The following SCARB2 variants were observed in gnomAD, a reference collection of about 807,000 sequenced individuals.
The protein encoded by SCARB2 is lysosome membrane protein 2.
In SCARB2, 29 loss-of-function variants were observed where a neutral mutation model predicts 58.6. That is an observed-to-expected ratio of 0.49 (90% CI 0.37 to 0.67). The LOEUF is 0.67. Ranked by LOEUF, SCARB2 falls within the 30% of genes least tolerant of loss-of-function variation. The pLI is 0.00. For synonymous variants in SCARB2, 195 were observed against 210.1 expected (o/e 0.93, Z 0.62); for missense variants, 488 against 578.5 (o/e 0.84, Z 1.60).
chr4:76,218,310 A>G (rs1733249491), upstream of SCARB2, among the ~76,000 whole-genome samples: 2 of 152,258 alleles, frequency 1.3e-5, no homozygotes, highest in Admixed American at 6.5e-5. Context: ...TACAGCCTCC[A>G]TAAGAAAAAA....
At chr4:76,220,318 T>C (rs1189901508) in intron 1 of SCARB2, among the ~76,000 whole-genome samples, 2 of 152,140 alleles carry the variant, frequency 1.3e-5, no homozygotes, top group Admixed American at 1.3e-4. Flanking sequence ...TGGAAAATAC[T>C]ATTCAGCTAT....
intron 1 of SCARB2, among the ~76,000 whole-genome samples, chr4:76,200,448 T>C (rs1285511384): frequency 1.3e-5 from 2 of 152,240 alleles, no homozygotes; most frequent in Non-Finnish European, 2.9e-5. Flanking sequence ...GAATTCACAG[T>C]GTCAACAGCT....
intron 2 of SCARB2, chr4:76,193,703 C>A (rs1234781513): frequency 6.6e-6 from 1 of 152,226 alleles, no homozygotes; most frequent in Non-Finnish European, 1.5e-5. Context: ...AATGCTGATA[C>A]ACCCATTGTA....
intron 2 of SCARB2, among the ~76,000 whole-genome samples, chr4:76,183,903 G>A (rs560517385): frequency 2.0e-5 from 3 of 152,264 alleles, no homozygotes; most frequent in South Asian, 4.1e-4. Context: ...AGGAAATGGA[G>A]GAAGACTAAA....
Position 76,170,096 on chromosome 4 carries a change from A to G in SCARB2, c.995-111T>C, listed in dbSNP as rs141982970. 252 of 901,904 alleles carry G rather than the reference A, an allele frequency of 2.8e-4. 2 individuals carry two copies. The East Asian group carries it at 6.1e-3, about 22-fold the overall frequency. The allele number at this position is 901,904 out of a possible 1,614,324, so 55.9% of individuals were successfully genotyped here. ...GTTCCTAAAGAAAAACAAAAAAGCT[A>G]CATATAAATTAACTTGGGTAGGCTA... is the stretch of plus-strand genomic sequence containing the variant. On this transcript the variant is annotated intron_variant, in intron 7 of 11. Transcript: ENST00000264896.
intron 1 of SCARB2, among the ~76,000 whole-genome samples, chr4:76,224,778 G>A (rs1479894468): frequency 1.3e-5 from 2 of 151,794 alleles, no homozygotes; most frequent in East Asian, 3.9e-4. Context: ...AGAAGTTTTT[G>A]GGGAACAGGT....
In SCARB2 at chr4:76,162,065, G is replaced by T. The variant is rs569446029; in HGVS notation, c.1399-314C>A. 7.1e-4 allele frequency: 309 copies of T among 435,626 alleles called. 2 individuals carry two copies. The highest frequency in any genetic ancestry group is 4.0e-3 in the Middle Eastern group (6 of 1,518). 27.0% of individuals were successfully genotyped at this position (435,626 alleles called of 1,614,324 possible). A position where few individuals can be genotyped will look rare whatever the true frequency, so the allele number is the denominator to read the frequency against. On this transcript the variant is annotated intron_variant, in intron 11 of 11. Transcript: ENST00000264896. ...CTGGTTTGAAACCTACTAAGGAGTAGTGTCTCAGAGGTATTAGTTCTCAAT... is the reference window on the plus strand; with the variant it reads ...CTGGTTTGAAACCTACTAAGGAGTATTGTCTCAGAGGTATTAGTTCTCAAT...
chr4:76,227,931 G>C (rs1442746200), intron 1 of SCARB2, among the ~76,000 whole-genome samples: 1 of 152,130 alleles, frequency 6.6e-6, no homozygotes, highest in Non-Finnish European at 1.5e-5. Context: ...TTATGCATTA[G>C]GTGAGTCTCT....
In SCARB2 at chr4:76,169,942, A is replaced by C. The variant is rs1732095084; in HGVS notation, c.1038T>G (p.Asp346Glu). ...IMSFPHFYQA[D>E]ERFVSAIEGM... ...CTTCTATGGCAGAAACAAACCTCTC[A>C]TCTGCTTGGTAAAAGTGTGGGAAAG... is the stretch of plus-strand genomic sequence containing the variant. Residue 346 changes from aspartate to glutamate, a missense_variant, in exon 8 of 12, where the codon GAT (aspartate) becomes GAG (glutamate). Coordinates refer to ENST00000264896, the MANE Select transcript of SCARB2 (RefSeq NM_005506.4). 6.2e-7 allele frequency: 1 copy of C among 1,614,050 alleles called. No individual in the cohort carries two copies. The highest frequency in any genetic ancestry group is 1.6e-4 in the Middle Eastern group (1 of 6,062).
At chr4:76,188,198 G>A (rs1732527233) in intron 2 of SCARB2, among the ~76,000 whole-genome samples, 1 of 152,104 alleles carries the variant, frequency 6.6e-6, no homozygotes, top group Non-Finnish European at 1.5e-5. Flanking sequence ...CCTCAAAAAG[G>A]CTGCAGAAGC....
intron 2 of SCARB2, among the ~76,000 whole-genome samples, chr4:76,191,489 G>A (rs1338153775): frequency 1.3e-5 from 2 of 151,994 alleles, no homozygotes; most frequent in South Asian, 2.1e-4. Flanking sequence ...TCTGGCTGTT[G>A]TAAAGTGTGG....
At chr4:76,229,427 T>C (rs1187669630) in intron 1 of SCARB2, among the ~76,000 whole-genome samples, 2 of 152,238 alleles carry the variant, frequency 1.3e-5, no homozygotes, top group African/African-American at 4.8e-5. Context: ...TGTTTTGTCA[T>C]ATTACCAGAA....
chr4:76,199,613 G>A (rs1397857271), intron 1 of SCARB2, among the ~76,000 whole-genome samples: 1 of 152,184 alleles, frequency 6.6e-6, no homozygotes, highest in African/African-American at 2.4e-5. Flanking sequence ...TTAACTGGTT[G>A]TCCTGTATTT....
intron 7 of SCARB2, among the ~76,000 whole-genome samples, chr4:76,170,556 T>C (rs1327792780): frequency 1.3e-5 from 2 of 152,198 alleles, no homozygotes; most frequent in Non-Finnish European, 2.9e-5. Flanking sequence ...TTTTGTTTTG[T>C]TTTGTTTTTA....
intron 1 of SCARB2, among the ~76,000 whole-genome samples, chr4:76,231,074 A>T (rs572793372): frequency 6.6e-6 from 1 of 151,760 alleles, no homozygotes. Context: ...ACTCCCTATC[A>T]TAAGCTGCAT....
intron 1 of SCARB2, among the ~76,000 whole-genome samples, chr4:76,227,190 T>C (rs1462382204): frequency 6.6e-6 from 1 of 152,214 alleles, no homozygotes; most frequent in Admixed American, 6.5e-5. Context: ...TTAGCACCAC[T>C]TTTGCTGTGT....
chr4:76,206,013 C>G (rs970394564), intron 1 of SCARB2, among the ~76,000 whole-genome samples: 2 of 152,060 alleles, frequency 1.3e-5, no homozygotes, highest in Non-Finnish European at 2.9e-5. Flanking sequence ...ATCCTTACCC[C>G]CAAGGTGGTG....
At position 76,160,198 on chromosome 4, in the gene SCARB2, G is replaced by A. The variant is rs967881098; in HGVS notation, c.*1515C>T. On this transcript the variant is annotated 3_prime_UTR_variant, in exon 12 of 12. Coordinates refer to ENST00000264896, the MANE Select transcript of SCARB2 (RefSeq NM_005506.4). Reference sequence around the variant, plus strand: ...TATTACCTCAATACAGGGATAAGAAGCTATGGAAATGAAATCTATATTTTT... The same window carrying A: ...TATTACCTCAATACAGGGATAAGAAACTATGGAAATGAAATCTATATTTTT... The A allele has an allele frequency of 3.3e-5, 5 of 152,122 alleles. No individual in the cohort carries two copies. The highest frequency in any genetic ancestry group is 4.8e-5 in the African/African-American group (2 of 41,424). The allele number at this position is 152,122 out of a possible 1,614,324, so 9.4% of individuals were successfully genotyped here. A position where few individuals can be genotyped will look rare whatever the true frequency, so the allele number is the denominator to read the frequency against.
In SCARB2 at chr4:76,213,753, A is replaced by T. The variant is rs1733131491; in HGVS notation, c.-210T>A. 2.2e-6 allele frequency: 1 copy of T among 456,332 alleles called. No individual in the cohort carries two copies. Among genetic ancestry groups the T allele is most frequent in the Non-Finnish European group, 3.8e-6 (1 of 260,462 alleles). 28.3% of individuals were successfully genotyped at this position (456,332 alleles called of 1,614,324 possible). On this transcript the variant is annotated 5_prime_UTR_variant, in exon 1 of 12. Transcript: ENST00000264896. ...ACCGGGCGGATGGGGCCGCGGAGGG[A>T]CGGGCCCGGACTCGGTTTCGGTTTC...
Sources: allele counts gnomAD v4.1 joint callset (sites outside exome capture counted in the v4.1 genomes callset), GRCh38; gene constraint gnomAD v4.1.1; transcripts MANE v1.5; gene names NCBI Gene and HGNC (gene_info 2026-07-23, HGNC 2026-07-21).